The following FAM3B variants were observed in gnomAD, a reference collection of about 807,000 sequenced individuals.
The protein encoded by FAM3B is FAM3 metabolism regulating signaling molecule B, also known as protein FAM3B.
A neutral mutation model predicts 28.4 loss-of-function variants in FAM3B; 29 were observed. That is an observed-to-expected ratio of 1.02 (90% CI 0.76 to 1.39). The LOEUF (loss-of-function observed/expected upper bound fraction) is 1.39. Among genes scored for constraint, FAM3B ranks in the 40% most tolerant of loss-of-function variants. The probability of loss-of-function intolerance (pLI) is 0.00; values close to 1 mark genes in which losing one functional copy is unlikely to be tolerated. For synonymous variants in FAM3B, 91 were observed against 103.0 expected, an observed-to-expected ratio of 0.88 and a Z score of 0.71; for missense variants, 266 against 293.9, an observed-to-expected ratio of 0.91 and a Z score of 0.69.
Position 41,346,827 on chromosome 21 carries a change from A to G in FAM3B, c.398-186A>G, listed in dbSNP as rs115285597. On this transcript the variant is annotated intron_variant, in intron 5 of 7. Coordinates refer to ENST00000357985, the MANE Select transcript of FAM3B (RefSeq NM_058186.4). ...GTGCCACTCACCTCAGATAGTCCCT[A>G]TGGTACCCCAGTGAATGTTCACACG... Among the ~76,000 whole-genome samples the G allele has an allele frequency of 6.9e-3, 1,055 of 152,212 alleles. 9 individuals are homozygous for G. The highest frequency in any genetic ancestry group is 0.023 in the African/African-American group (944 of 41,518).
intron 1 of FAM3B, among the ~76,000 whole-genome samples, chr21:41,306,255 T>C (rs1011455533): frequency 6.6e-6 from 1 of 152,246 alleles, no homozygotes; most frequent in Admixed American, 6.5e-5. Context: ...CTTGAAGTCA[T>C]CAAAGTTATC....
intron 1 of FAM3B, among the ~76,000 whole-genome samples, chr21:41,304,766 T>C (rs1220343199): frequency 6.6e-6 from 1 of 152,136 alleles, no homozygotes. Context: ...TGCTTGTCCC[T>C]GAAAACATTG....
At chr21:41,329,942 A>G (rs2088889703) in intron 2 of FAM3B, among the ~76,000 whole-genome samples, 1 of 152,106 alleles carries the variant, frequency 6.6e-6, no homozygotes, top group Non-Finnish European at 1.5e-5. Context: ...CATTTGCTGA[A>G]TTTGCTAAGA....
chr21:41,310,604 T>C lies in FAM3B; in HGVS notation n.99+6294T>C, dbSNP rs549053985. Among the ~76,000 whole-genome samples the C allele has an allele frequency of 3.9e-5, 6 of 152,326 alleles. No individual in the cohort carries two copies. The South Asian group carries it at 1.2e-3, about 32-fold the overall frequency. ...CACTAAGGTGCTCTGTCTGGGTTTC[T>C]GGCCCTTCCAAAATGAGCACACCCT... On this transcript the variant is annotated intron_variant and non_coding_transcript_variant, in intron 1 of 9. Transcript: ENST00000479810.
intron 3 of FAM3B, among the ~76,000 whole-genome samples, chr21:41,341,936 G>A (rs77974492): frequency 0.051 from 7,762 of 152,276 alleles, 250 homozygotes; most frequent in Middle Eastern, 0.071. Context: ...TACAGCAAAA[G>A]ACACAGAGCA....
At chr21:41,344,434 G>T (rs56902449) in intron 3 of FAM3B, 42 bp from the exon 4 acceptor site, 2 of 1,579,660 alleles carry the variant, frequency 1.3e-6, no homozygotes, top group South Asian at 2.2e-5. Flanking sequence ...GGGGAGAGTC[G>T]CACGCCTCTT....
chr21:41,328,999 T>C (rs1356536261), intron 2 of FAM3B, among the ~76,000 whole-genome samples: 1 of 152,272 alleles, frequency 6.6e-6, no homozygotes, highest in Non-Finnish European at 1.5e-5. Context: ...ACCCTGGTCA[T>C]GATAGCTTTT....
chr21:41,351,535 C>A (rs972201729), intron 7 of FAM3B, among the ~76,000 whole-genome samples: 21 of 152,142 alleles, frequency 1.4e-4, no homozygotes, highest in African/African-American at 5.1e-4. Context: ...CAGGTCTTAC[C>A]GAGACCTTGA....
At chr21:41,329,673 G>A (rs428341) in intron 2 of FAM3B, among the ~76,000 whole-genome samples, 7,385 of 151,710 alleles carry the variant, frequency 0.049, 206 homozygotes, top group Middle Eastern at 0.078. Flanking sequence ...GGGTTCAAGC[G>A]ATTCTCCTGC....
chr21:41,352,350 T>G, intron 7 of FAM3B, among the ~76,000 whole-genome samples: 1 of 152,028 alleles, frequency 6.6e-6, no homozygotes, highest in South Asian at 2.1e-4. Context: ...CTGTTTCTTC[T>G]GAGAAGCCTC....
chr21:41,304,356 G>T (rs1331648090), intron 1 of FAM3B: 5 of 454,254 alleles, frequency 1.1e-5, no homozygotes, highest in Non-Finnish European at 2.2e-5. Flanking sequence ...GATGGACGGG[G>T]CAGGACGCTG....
intron 2 of FAM3B, among the ~76,000 whole-genome samples, chr21:41,337,803 ATATGGTG>A (rs1337772770): frequency 6.6e-6 from 1 of 151,164 alleles, no homozygotes; most frequent in African/African-American, 2.4e-5. Context: ...TGTGTGCTGT[ATATGGTG>A]TGTGTGTGTG....
chr21:41,304,358 A>G (rs913248925), intron 1 of FAM3B: 3 of 454,190 alleles, frequency 6.6e-6, no homozygotes, highest in Non-Finnish European at 1.3e-5. Flanking sequence ...TGGACGGGGC[A>G]GGACGCTGCC....
chr21:41,309,120 A>G (rs1427260633), intron 1 of FAM3B, among the ~76,000 whole-genome samples: 1 of 152,172 alleles, frequency 6.6e-6, no homozygotes, highest in African/African-American at 2.4e-5. Flanking sequence ...TAATGGGTAA[A>G]AGACAGGGTG....
intron 1 of FAM3B, among the ~76,000 whole-genome samples, chr21:41,321,361 T>TGAG (rs2088803087): frequency 1.3e-5 from 2 of 152,182 alleles, no homozygotes; most frequent in African/African-American, 4.8e-5. Context: ...CAGAGATCAC[T>TGAG]CCTGCAGAGG....
At chr21:41,323,622 G>T (rs1382523479) in intron 2 of FAM3B, among the ~76,000 whole-genome samples, 1 of 152,178 alleles carries the variant, frequency 6.6e-6, no homozygotes, top group Admixed American at 6.5e-5. Flanking sequence ...TGTGTGCTGG[G>T]CATGTCCAGG....
At chr21:41,324,788 G>T (rs779598031) in intron 2 of FAM3B, among the ~76,000 whole-genome samples, 17 of 152,164 alleles carry the variant, frequency 1.1e-4, no homozygotes, top group Non-Finnish European at 2.2e-4. Context: ...AAATTAATGT[G>T]CAGCGTATGT....
At chr21:41,341,466 T>C (rs1336633757) in intron 3 of FAM3B, among the ~76,000 whole-genome samples, 1 of 152,228 alleles carries the variant, frequency 6.6e-6, no homozygotes, top group Non-Finnish European at 1.5e-5. Context: ...TGCCCAATGG[T>C]AACCTGGATT....
At chr21:41,337,108 C>A (rs1214492918) in intron 2 of FAM3B, among the ~76,000 whole-genome samples, 1 of 152,110 alleles carries the variant, frequency 6.6e-6, no homozygotes, top group Non-Finnish European at 1.5e-5. Context: ...TCCTTTGATT[C>A]TTTACTTGTG....
Sources: allele counts gnomAD v4.1 joint callset (sites outside exome capture counted in the v4.1 genomes callset), GRCh38; gene constraint gnomAD v4.1.1; transcripts MANE v1.5; gene names NCBI Gene and HGNC (gene_info 2026-07-23, HGNC 2026-07-21).